Variants in VPS8 observed in about 807,000 individuals in gnomAD.
VPS8 encodes VPS8 subunit of CORVET complex.
In VPS8, 129 loss-of-function variants were observed where a neutral mutation model predicts 216.4. That is an observed-to-expected ratio of 0.60 (90% CI 0.52 to 0.69). The LOEUF (loss-of-function observed/expected upper bound fraction) is 0.69, where lower values mean the gene tolerates loss of function less well. Among genes scored for constraint, VPS8 ranks in the 30% least tolerant of loss-of-function variants. The pLI is 0.00. For missense variants in VPS8, 1,531 were observed against 1,683.5 expected, an observed-to-expected ratio of 0.91 and a Z score of 1.59; for synonymous variants, 571 against 565.4, an observed-to-expected ratio of 1.01 and a Z score of -0.14.
chr3:184,984,981 C>T (rs1427864126), intron 42 of VPS8, among the ~76,000 whole-genome samples: 2 of 152,186 alleles, frequency 1.3e-5, no homozygotes, highest in African/African-American at 4.8e-5. Context: ...TTGAGTTATA[C>T]TGGCATTCAT....
intron 21 of VPS8, among the ~76,000 whole-genome samples, chr3:184,871,229 A>G (rs1056911158): frequency 6.6e-6 from 1 of 151,602 alleles, no homozygotes; most frequent in African/African-American, 2.4e-5. Context: ...ATAAAATATG[A>G]TCTATAAAAT....
chr3:184,883,912 A>T (rs946483809), intron 21 of VPS8, among the ~76,000 whole-genome samples: 1 of 152,174 alleles, frequency 6.6e-6, no homozygotes, highest in African/African-American at 2.4e-5. Flanking sequence ...TCCTCCAGAC[A>T]TTCTTGTATG....
chr3:184,884,249 T>C (rs1730791710), intron 21 of VPS8, among the ~76,000 whole-genome samples: 1 of 150,972 alleles, frequency 6.6e-6, no homozygotes, highest in South Asian at 2.1e-4. Context: ...CAGACCCTGG[T>C]GTGTGGTGTT....
chr3:185,035,933 C>G (rs557996060), intron 46 of VPS8, among the ~76,000 whole-genome samples: 1 of 152,242 alleles, frequency 6.6e-6, no homozygotes, highest in Non-Finnish European at 1.5e-5. Context: ...AGTCAATGTA[C>G]AAAAATCAGT....
At chr3:184,930,205 C>T (rs970736338) in intron 33 of VPS8, among the ~76,000 whole-genome samples, 6 of 152,150 alleles carry the variant, frequency 3.9e-5, no homozygotes, top group Non-Finnish European at 7.4e-5. Flanking sequence ...CCCCAAAAGC[C>T]AAAGTGTGAT....
chr3:184,895,488 A>G (rs1471224954), intron 23 of VPS8, among the ~76,000 whole-genome samples: 3 of 149,668 alleles, frequency 2.0e-5, no homozygotes, highest in Non-Finnish European at 3.0e-5. Context: ...GGTTCTCACA[A>G]TAAGTTATCT....
At chr3:185,051,240 A>T (rs1714165278) in intron 47 of VPS8, among the ~76,000 whole-genome samples, 1 of 152,146 alleles carries the variant, frequency 6.6e-6, no homozygotes, top group Non-Finnish European at 1.5e-5. Context: ...GAATTGAGCC[A>T]CTGACAGAAC....
chr3:184,824,905 A>ATTTTTT, intron 2 of VPS8, 120 bp downstream of exon 2: 1 of 681,282 alleles, frequency 1.5e-6, no homozygotes, highest in Non-Finnish European at 2.3e-6. Context: ...TCTGTGTATA[A>ATTTTTT]TTTTTTTTTT....
chr3:184,894,508 G>GTATATATATATA (rs756172890), intron 22 of VPS8, among the ~76,000 whole-genome samples, 195 bp from the exon 23 acceptor site: 13,336 of 132,222 alleles, frequency 0.1, 875 homozygotes, highest in Non-Finnish European at 0.12. Flanking sequence ...ATATACACAC[G>GTATATATATATA]TATATATATA....
chr3:184,879,240 C>T (rs1729842881), intron 21 of VPS8, among the ~76,000 whole-genome samples: 1 of 152,160 alleles, frequency 6.6e-6, no homozygotes, highest in South Asian at 2.1e-4. Context: ...TTTGTATATC[C>T]ACATTGCCTT....
chr3:184,853,876 AC>A lies in VPS8; in HGVS notation c.843del (p.Cys282ValfsTer26). 1 of 1,584,814 alleles carries A rather than the reference AC, an allele frequency of 6.3e-7. No individual in the cohort carries two copies. The highest frequency in any genetic ancestry group is 8.6e-7 in the Non-Finnish European group (1 of 1,164,484). On this transcript the variant is annotated frameshift_variant, in exon 12 of 48. Transcript: ENST00000625842. LOFTEE classifies it high-confidence loss of function. ...LTFKRVMGVR[T>X]CESRCLFSGS... ...TTTCAGGAGAGTGATGGGAGTGAGA[AC>A]CTGTGAATCTAGATGTCTGTTCAGT... is the stretch of plus-strand genomic sequence containing the variant.
chr3:184,841,781 C>A (rs1560340375), intron 7 of VPS8, among the ~76,000 whole-genome samples: 1 of 152,088 alleles, frequency 6.6e-6, no homozygotes, highest in Non-Finnish European at 1.5e-5. Context: ...TATTTTACAT[C>A]TGAGGCTGCT....
At chr3:184,885,844 G>T (rs939763348) in intron 21 of VPS8, 2 of 306,764 alleles carry the variant, frequency 6.5e-6, no homozygotes, top group Admixed American at 4.7e-5. Context: ...TGCTCCCTCT[G>T]TTAGAAAGAT....
At chr3:184,899,843 GT>G (rs933464563) in intron 24 of VPS8, among the ~76,000 whole-genome samples, 20 of 152,296 alleles carry the variant, frequency 1.3e-4, no homozygotes, top group African/African-American at 4.6e-4. Flanking sequence ...CTTTTGAAAT[GT>G]TTGTTTTGCA....
chr3:184,982,211 A>G (rs1750323658), intron 40 of VPS8, among the ~76,000 whole-genome samples: 1 of 152,162 alleles, frequency 6.6e-6, no homozygotes, highest in Non-Finnish European at 1.5e-5. Flanking sequence ...AATTTTTAAT[A>G]GAGTAGATAA....
chr3:184,912,576 G>A (rs1287409499), intron 25 of VPS8, among the ~76,000 whole-genome samples: 3 of 151,810 alleles, frequency 2.0e-5, no homozygotes, highest in African/African-American at 4.8e-5. Flanking sequence ...TCTTTCACTC[G>A]TGTTTATCTA....
At chr3:184,837,025 A>G (rs902368376) in intron 5 of VPS8, among the ~76,000 whole-genome samples, 6 of 152,200 alleles carry the variant, frequency 3.9e-5, no homozygotes, top group African/African-American at 7.2e-5. Flanking sequence ...CGTCCACTGT[A>G]TAAGAATCTC....
chr3:184,831,015 GAAGAT>G (rs932084643), intron 3 of VPS8, among the ~76,000 whole-genome samples: 23 of 152,334 alleles, frequency 1.5e-4, no homozygotes, highest in African/African-American at 5.0e-4. Context: ...AGTAGGAAGA[GAAGAT>G]GAGAGCTTAG....
chr3:184,961,915 C>A (rs1452153922), intron 37 of VPS8, among the ~76,000 whole-genome samples: 4 of 152,030 alleles, frequency 2.6e-5, no homozygotes, highest in Admixed American at 2.6e-4. Flanking sequence ...TATAGGTGCA[C>A]ACCACCGTGC....
Sources: gnomAD v4.1 joint callset for allele counts (sites outside exome capture counted in the v4.1 genomes callset) on GRCh38, gnomAD v4.1.1 for gene constraint, MANE v1.5 for transcripts, NCBI Gene and HGNC (gene_info 2026-07-23, HGNC 2026-07-21) for gene names.